TAOK3: variants seen among roughly 807,000 people sequenced by gnomAD.
TAOK3 encodes the protein TAO kinase 3.
In TAOK3, 40 loss-of-function variants were observed where a neutral mutation model predicts 120.4. That is an observed-to-expected ratio of 0.33 (90% confidence interval 0.26 to 0.43). TAOK3 has a LOEUF of 0.43. TAOK3 is among the 20% of genes least tolerant of loss of function. The pLI is 1.00. For missense variants in TAOK3, 821 were observed against 1,112.1 expected (o/e 0.74, Z 3.72); for synonymous variants, 355 against 387.5 (o/e 0.92, Z 0.99).
At chr12:118,183,063 T>C (rs543495491) in intron 14 of TAOK3, among the ~76,000 whole-genome samples, 12 of 152,266 alleles carry the variant, frequency 7.9e-5, no homozygotes, top group Admixed American at 5.9e-4. Context: ...AATTCCAGGA[T>C]TGTAACTTTA....
chr12:118,327,839 T>C (rs572069008), intron 1 of TAOK3, among the ~76,000 whole-genome samples: 2 of 152,270 alleles, frequency 1.3e-5, no homozygotes, highest in Admixed American at 6.5e-5. Context: ...TTTAGACCCA[T>C]TTTGACTGAA....
chr12:118,192,344 A>C (rs1017387583), intron 13 of TAOK3, among the ~76,000 whole-genome samples: 5 of 152,118 alleles, frequency 3.3e-5, no homozygotes, highest in African/African-American at 1.2e-4. Context: ...CAAAATTTTA[A>C]CCCACTTTAA....
chr12:118,193,049 G>GGTT (rs746752623), intron 13 of TAOK3, among the ~76,000 whole-genome samples: 5 of 107,408 alleles, frequency 4.7e-5, no homozygotes, highest in Non-Finnish European at 8.8e-5. Context: ...CCACGTTGTT[G>GGTT]TTTTTTTTTT....
In TAOK3 at chr12:118,238,138, G is replaced by A. The variant is rs1052289063; in HGVS notation, c.372C>T (p.Ile124=). Residue 124 remains isoleucine, a synonymous_variant, in exon 7 of 21, where the codon ATC becomes ATT. Coordinates refer to ENST00000392533, the MANE Select transcript of TAOK3 (RefSeq NM_016281.4). ...GCAAGGCTCCATGAGTAATGGCAGC[G>A]ATCTCCACTTCCTGAAGTGGTTTTT... is the stretch of plus-strand genomic sequence containing the variant. ...VHKKPLQEVE[I]AAITHGALHG... is the part of the protein sequence containing the mutation. 15 of 1,610,380 alleles carry A rather than the reference G, an allele frequency of 9.3e-6. No individual in the cohort carries two copies. The highest frequency in any genetic ancestry group is 2.7e-5 in the African/African-American group (2 of 74,554).
intron 2 of TAOK3, 71 bp from the exon 3 acceptor site, chr12:118,255,726 C>T: frequency 2.8e-6 from 2 of 704,710 alleles, no homozygotes; most frequent in Non-Finnish European, 2.2e-6. Flanking sequence ...CAAATACATA[C>T]AAATATTAAA....
chr12:118,341,632 T>C (rs1225395586), intron 1 of TAOK3, among the ~76,000 whole-genome samples: 1 of 152,102 alleles, frequency 6.6e-6, no homozygotes, highest in African/African-American at 2.4e-5. Context: ...AGGGGAGGGT[T>C]GACTTCATTT....
intron 16 of TAOK3, among the ~76,000 whole-genome samples, chr12:118,174,221 A>T (rs1023746061): frequency 2.2e-4 from 33 of 152,174 alleles, no homozygotes; most frequent in Admixed American, 2.0e-3. Context: ...TAATGAAAAA[A>T]TTTTTTTGTC....
intron 1 of TAOK3, among the ~76,000 whole-genome samples, chr12:118,366,316 G>T (rs61943367): frequency 0.12 from 17,540 of 152,142 alleles, 1,274 homozygotes; most frequent in Middle Eastern, 0.19. Context: ...TATGAACTAT[G>T]ATTCTGTTTA....
At chr12:118,269,383 C>CTTTTTT (rs1174725563) in intron 1 of TAOK3, among the ~76,000 whole-genome samples, 28 of 103,886 alleles carry the variant, frequency 2.7e-4, no homozygotes, top group Non-Finnish European at 3.5e-4. Flanking sequence ...TCTCTCTCTT[C>CTTTTTT]TTTTTTTTTT....
intron 13 of TAOK3, among the ~76,000 whole-genome samples, chr12:118,195,009 A>G (rs183685347): frequency 2.6e-5 from 4 of 152,240 alleles, no homozygotes; most frequent in East Asian, 3.9e-4. Context: ...GGCCTCCCAA[A>G]GTGCTGAGAT....
intron 1 of TAOK3, among the ~76,000 whole-genome samples, chr12:118,296,398 T>TG (rs2042682543): frequency 6.6e-6 from 1 of 152,180 alleles, no homozygotes; most frequent in Non-Finnish European, 1.5e-5. Context: ...CCTCTCAAAA[T>TG]GCTGAGATTA....
intron 9 of TAOK3, among the ~76,000 whole-genome samples, chr12:118,215,216 C>G (rs2038831595): frequency 7.0e-6 from 1 of 141,884 alleles, no homozygotes; most frequent in Non-Finnish European, 1.5e-5. Flanking sequence ...AACAAAATGG[C>G]CGGGCGCGGT....
intron 1 of TAOK3, among the ~76,000 whole-genome samples, chr12:118,308,373 A>G (rs1389232820): frequency 6.6e-6 from 1 of 152,196 alleles, no homozygotes; most frequent in Non-Finnish European, 1.5e-5. Context: ...CCATTCTTTT[A>G]TGCCTTTACT....
intron 1 of TAOK3, among the ~76,000 whole-genome samples, chr12:118,311,160 C>T (rs11068905): frequency 0.13 from 19,323 of 152,032 alleles, 2,455 homozygotes; most frequent in East Asian, 0.32. Flanking sequence ...AATAAAGGCA[C>T]AAAGAATTCA....
chr12:118,175,651 T>C (rs1332314132), intron 16 of TAOK3, among the ~76,000 whole-genome samples: 1 of 151,900 alleles, frequency 6.6e-6, no homozygotes, highest in East Asian at 1.9e-4. Context: ...ATAAAGAATA[T>C]GAGCTCAAAC....
intron 1 of TAOK3, among the ~76,000 whole-genome samples, chr12:118,304,700 C>G (rs927986954): frequency 6.6e-6 from 1 of 152,078 alleles, no homozygotes; most frequent in African/African-American, 2.4e-5. Flanking sequence ...TCAGTTTGTC[C>G]TAATTTGTGA....
At chr12:118,350,719 G>T (rs768378039) in intron 1 of TAOK3, among the ~76,000 whole-genome samples, 2 of 151,684 alleles carry the variant, frequency 1.3e-5, no homozygotes, top group Non-Finnish European at 2.9e-5. Flanking sequence ...AATTAGCTGG[G>T]TATGGTGGTG....
chr12:118,228,138 A>G (rs2039595780), intron 9 of TAOK3, among the ~76,000 whole-genome samples: 1 of 149,172 alleles, frequency 6.7e-6, no homozygotes, highest in Non-Finnish European at 1.5e-5. Context: ...CTTATGTTTT[A>G]TTAGTATATA....
chr12:118,237,622 C>T (rs2040069337), intron 7 of TAOK3, among the ~76,000 whole-genome samples: 1 of 151,920 alleles, frequency 6.6e-6, no homozygotes, highest in Admixed American at 6.6e-5. Flanking sequence ...TAATATCTTC[C>T]TAAGTATCTA....
Sources: gnomAD v4.1 joint callset for allele counts (sites outside exome capture counted in the v4.1 genomes callset) on GRCh38, gnomAD v4.1.1 for gene constraint, MANE v1.5 for transcripts, NCBI Gene and HGNC (gene_info 2026-07-23, HGNC 2026-07-21) for gene names.